The following SHANK2 variants were observed in gnomAD, a reference collection of about 807,000 sequenced individuals.
The protein encoded by SHANK2 is SH3 and multiple ankyrin repeat domains protein 2.
Under a neutral mutation model 133.7 loss-of-function variants are expected in SHANK2, and 43 were observed. The ratio of observed to expected loss-of-function variants is 0.32; its 90% CI spans 0.25 to 0.41. The LOEUF is 0.41. SHANK2 is among the 10% of genes least tolerant of loss of function. The pLI, the probability that SHANK2 is intolerant of heterozygous loss-of-function variation, is 1.00. For synonymous variants in SHANK2, 1,017 were observed against 952.8 expected (o/e 1.07, Z -1.24); for missense variants, 1,994 against 2,235.8 (o/e 0.89, Z 2.18).
At chr11:71,066,765 G>A (rs1164885095) in intron 9 of SHANK2, among the ~76,000 whole-genome samples, 1 of 152,182 alleles carries the variant, frequency 6.6e-6, no homozygotes, top group Non-Finnish European at 1.5e-5. Flanking sequence ...AAGTAAAACG[G>A]GGAAGTGGCT....
intron 14 of SHANK2, among the ~76,000 whole-genome samples, chr11:70,738,972 T>A (rs1946466388): frequency 6.6e-6 from 1 of 151,810 alleles, no homozygotes; most frequent in Non-Finnish European, 1.5e-5. Flanking sequence ...AGGGAGGGGG[T>A]CTGTGGCCCG....
chr11:71,138,205 C>T (rs572283014), intron 3 of SHANK2, among the ~76,000 whole-genome samples: 1 of 150,800 alleles, frequency 6.6e-6, no homozygotes, highest in East Asian at 2.0e-4. Context: ...CAGCTTCTAA[C>T]GGTAACTAAC....
chr11:70,699,923 T>C (rs954190101), intron 14 of SHANK2, among the ~76,000 whole-genome samples: 9 of 152,206 alleles, frequency 5.9e-5, no homozygotes, highest in African/African-American at 2.2e-4. Flanking sequence ...GAAGGGTCCC[T>C]TCCAAGCTTA....
chr11:71,196,870 C>T (rs911644115), intron 2 of SHANK2, among the ~76,000 whole-genome samples: 12 of 151,760 alleles, frequency 7.9e-5, no homozygotes, highest in African/African-American at 2.4e-4. Flanking sequence ...TGGTGGCGGG[C>T]GCCTATAATC....
chr11:70,486,721 G>A lies in SHANK2; in HGVS notation c.3572C>T (p.Ala1191Val), dbSNP rs1555153814. 2 of 1,610,316 alleles carry A rather than the reference G, an allele frequency of 1.2e-6. No homozygotes were observed. The highest frequency in any genetic ancestry group is 1.7e-5 in the Admixed American group (1 of 60,006). ...CCCGGGGCCGGCTGTGCCGCTGCTC[G>A]CGGAGGGCACTGCTGGGCTGCTCTC... is the stretch of plus-strand genomic sequence containing the variant. ...GPESSPAVPS[A>V]SSGTAGPGNY... The change falls in exon 25 of 26, where the codon GCG becomes GTG. Residue 1191 changes from alanine to valine, a missense_variant. Physicochemically the swap from Ala to Val is moderately conservative, Grantham distance 64. Coordinates refer to ENST00000601538, the MANE Select transcript of SHANK2 (RefSeq NM_012309.5). The surrounding 1 kb of genome is among the most constrained non-coding windows in gnomAD (Gnocchi z 8.0).
Position 70,485,940 on chromosome 11 carries a change from C to T in SHANK2, c.4353G>A (p.Leu1451=). Reference sequence around the variant, plus strand: ...CAGAGTTGGTTGGTTGGCTGGAGTTCAACGAAGGGGACTGAGGGGTGTCGC... The same window carrying T: ...CAGAGTTGGTTGGTTGGCTGGAGTTTAACGAAGGGGACTGAGGGGTGTCGC... ...KKSDTPQSPS[L]NSSQPTNSAD... is the part of the protein sequence containing the mutation. Residue 1451 remains leucine, a synonymous_variant, in exon 25 of 26, where the codon TTG becomes TTA. Coordinates refer to ENST00000601538, the MANE Select transcript of SHANK2 (RefSeq NM_012309.5). The surrounding 1 kb of genome is among the most constrained non-coding windows in gnomAD (Gnocchi z 5.8). 4 of 1,614,078 alleles carry T rather than the reference C, an allele frequency of 2.5e-6. No individual in the cohort carries two copies. The highest frequency in any genetic ancestry group is 1.6e-4 in the Middle Eastern group (1 of 6,062).
chr11:70,533,653 C>T lies in SHANK2; in HGVS notation c.2062-30722G>A, dbSNP rs530374994. Among the ~76,000 whole-genome samples, 22 of 152,156 alleles carry T rather than the reference C, an allele frequency of 1.4e-4. No individual in the cohort carries two copies. The East Asian group carries it at 4.1e-3, about 28-fold the overall frequency. On this transcript the variant is annotated intron_variant, in intron 17 of 25. Transcript: ENST00000601538. ...TGCATATTTCTTTAATTGAGATGAG[C>T]TTATATAATGTAAAATTCACACTTT...
At chr11:70,628,149 G>A (rs551117498) in intron 17 of SHANK2, among the ~76,000 whole-genome samples, 73 of 151,978 alleles carry the variant, frequency 4.8e-4, no homozygotes, top group African/African-American at 1.7e-3. Flanking sequence ...TAGTAGAGAC[G>A]GGGTTTCACC....
intron 13 of SHANK2, among the ~76,000 whole-genome samples, chr11:70,801,029 C>T (rs1263429950): frequency 3.9e-5 from 6 of 152,302 alleles, no homozygotes; most frequent in South Asian, 2.1e-4. Flanking sequence ...CTCTGTACCT[C>T]GGTTTCCTCA....
At chr11:71,195,308 C>T (rs1486955249) in intron 2 of SHANK2, among the ~76,000 whole-genome samples, 23 of 152,006 alleles carry the variant, frequency 1.5e-4, no homozygotes, top group Admixed American at 6.6e-5. Context: ...AGGAGAATGG[C>T]GTGAACCCAG....
intron 14 of SHANK2, among the ~76,000 whole-genome samples, chr11:70,795,254 T>TG (rs1947881499): frequency 6.6e-6 from 1 of 152,110 alleles, no homozygotes. Context: ...TCCTAATCCC[T>TG]AGAACCTGTG....
chr11:70,517,096 C>G (rs2059275493), intron 17 of SHANK2, among the ~76,000 whole-genome samples: 1 of 152,084 alleles, frequency 6.6e-6, no homozygotes, highest in South Asian at 2.1e-4. Context: ...GACAACTCAC[C>G]AAAGAAGATA....
chr11:71,098,937 T>C (rs1951672826), intron 6 of SHANK2, among the ~76,000 whole-genome samples: 1 of 152,006 alleles, frequency 6.6e-6, no homozygotes, highest in African/African-American at 2.4e-5. Context: ...GGAAACCTGA[T>C]GGACACGAGC....
At chr11:70,540,545 C>T (rs1409531583) in intron 17 of SHANK2, among the ~76,000 whole-genome samples, 2 of 113,816 alleles carry the variant, frequency 1.8e-5, no homozygotes, top group Non-Finnish European at 1.7e-5. Flanking sequence ...CGCAGCTTCA[C>T]GATTAGCGAC....
chr11:71,144,097 G>A (rs1393430062), intron 3 of SHANK2, among the ~76,000 whole-genome samples: 1 of 152,206 alleles, frequency 6.6e-6, no homozygotes, highest in Non-Finnish European at 1.5e-5. Context: ...CGGCAAGAGA[G>A]ACAGAGTGGC....
intron 17 of SHANK2, among the ~76,000 whole-genome samples, chr11:70,640,462 G>T (rs999473033): frequency 9.2e-5 from 14 of 152,226 alleles, no homozygotes; most frequent in African/African-American, 3.1e-4. Flanking sequence ...GCCAGGCCCT[G>T]GATTTCAAAC....
chr11:70,561,584 C>T (rs1203867855), intron 17 of SHANK2, among the ~76,000 whole-genome samples: 2 of 151,642 alleles, frequency 1.3e-5, no homozygotes, highest in Non-Finnish European at 2.9e-5. Flanking sequence ...ACTGGAGTGC[C>T]GTGGTGCAAT....
intron 3 of SHANK2, among the ~76,000 whole-genome samples, chr11:71,132,089 G>A (rs1369030030): frequency 6.6e-6 from 1 of 152,216 alleles, no homozygotes; most frequent in East Asian, 1.9e-4. Context: ...GGCCACAGAG[G>A]CAGGTGAGGC....
At chr11:70,593,609 G>A (rs1247519405) in intron 17 of SHANK2, among the ~76,000 whole-genome samples, 2 of 152,196 alleles carry the variant, frequency 1.3e-5, no homozygotes, top group Admixed American at 6.5e-5. Flanking sequence ...CACCCCCAGG[G>A]AGCTCTGTCC....
Sources: allele counts gnomAD v4.1 joint callset (sites outside exome capture counted in the v4.1 genomes callset), GRCh38; gene constraint gnomAD v4.1.1; non-coding constraint Gnocchi (gnomAD v3.1); transcripts MANE v1.5; gene names NCBI Gene and HGNC (gene_info 2026-07-23, HGNC 2026-07-21).